The following GNB4 variants were observed in gnomAD, a reference collection of about 807,000 sequenced individuals.
GNB4 encodes the protein G protein subunit beta 4.
Under a neutral mutation model 45.2 loss-of-function variants are expected in GNB4, and 28 were observed. That is an observed-to-expected ratio of 0.62 (90% CI 0.46 to 0.85). The LOEUF is 0.85. Ranked by LOEUF, GNB4 falls within the 40% of genes least tolerant of loss-of-function variation. GNB4 has a pLI of 0.00. For synonymous variants in GNB4, 132 were observed against 143.7 expected (o/e 0.92, Z 0.58); for missense variants, 321 against 425.4 (o/e 0.75, Z 2.16).
chr3:179,500,777 TCTC>T, the GNB4 span, among the ~76,000 whole-genome samples: 1 of 152,170 alleles, frequency 6.6e-6, no homozygotes, highest in Admixed American at 6.5e-5. Context: ...GGTTTGTAGT[TCTC>T]CTTGAAGAGG....
the GNB4 span, among the ~76,000 whole-genome samples, chr3:179,516,898 G>C: frequency 6.6e-6 from 1 of 152,138 alleles, no homozygotes; most frequent in Admixed American, 6.5e-5. Flanking sequence ...TGAGTGATGG[G>C]ATCTGATGCC....
chr3:179,506,139 T>A, the GNB4 span, among the ~76,000 whole-genome samples: 164 of 152,270 alleles, frequency 1.1e-3, no homozygotes, highest in African/African-American at 3.7e-3. Flanking sequence ...GCTTAGGCAT[T>A]TGAAACCAGC....
the GNB4 span, among the ~76,000 whole-genome samples, chr3:179,468,074 T>G: frequency 8.2e-6 from 1 of 122,480 alleles, no homozygotes; most frequent in East Asian, 2.4e-4. Flanking sequence ...GGCACATGCC[T>G]GCAGTCCCAG....
chr3:179,475,399 G>T, the GNB4 span, among the ~76,000 whole-genome samples: 86 of 149,010 alleles, frequency 5.8e-4, no homozygotes, highest in African/African-American at 2.1e-3. Flanking sequence ...GATTACAGGC[G>T]TGAGCCACCA....
chr3:179,416,183 C>G (rs1472531716), intron 5 of GNB4, among the ~76,000 whole-genome samples: 2 of 152,112 alleles, frequency 1.3e-5, no homozygotes, highest in Non-Finnish European at 2.9e-5. Context: ...AAATAAAAAT[C>G]TCAAGGTCTT....
chr3:179,416,345 C>T (rs547220527), intron 5 of GNB4, 148 bp downstream of exon 5: 87 of 572,124 alleles, frequency 1.5e-4, no homozygotes, highest in African/African-American at 1.5e-3. Context: ...AAAGTAAACA[C>T]TAAGACAAAA....
chr3:179,520,006 C>T, the GNB4 span, among the ~76,000 whole-genome samples: 1 of 152,210 alleles, frequency 6.6e-6, no homozygotes, highest in Non-Finnish European at 1.5e-5. Context: ...TGCGCCTTAT[C>T]AACCAAATTG....
At chr3:179,461,115 C>T in the GNB4 span, among the ~76,000 whole-genome samples, 3 of 152,198 alleles carry the variant, frequency 2.0e-5, no homozygotes, top group Non-Finnish European at 4.4e-5. Context: ...TTATCTTCCT[C>T]GTCCATCTCC....
the GNB4 span, among the ~76,000 whole-genome samples, chr3:179,523,157 C>T: frequency 2.1e-3 from 317 of 152,100 alleles, 4 homozygotes; most frequent in African/African-American, 7.4e-3. Flanking sequence ...GGGGTTGGGG[C>T]TTGGGAGATT....
chr3:179,404,784 C>T (rs1040977311), intron 9 of GNB4, among the ~76,000 whole-genome samples: 3 of 152,094 alleles, frequency 2.0e-5, no homozygotes, highest in African/African-American at 7.2e-5. Context: ...CAGAGGAGGA[C>T]TCAGGGTATG....
the GNB4 span, among the ~76,000 whole-genome samples, chr3:179,491,938 C>T: frequency 1.3e-5 from 2 of 152,118 alleles, no homozygotes; most frequent in Non-Finnish European, 2.9e-5. Flanking sequence ...TACCTGTCTG[C>T]CCCATGGAAA....
At chr3:179,486,144 G>A in the GNB4 span, among the ~76,000 whole-genome samples, 39 of 149,670 alleles carry the variant, frequency 2.6e-4, no homozygotes, top group Non-Finnish European at 4.7e-4. Context: ...ACTGCTTGAC[G>A]TGGGAGGCAG....
chr3:179,402,956 G>C (rs1008485221), intron 9 of GNB4, among the ~76,000 whole-genome samples: 1 of 152,210 alleles, frequency 6.6e-6, no homozygotes, highest in Non-Finnish European at 1.5e-5. Flanking sequence ...GAAGAAAACA[G>C]GCACAGATGC....
the GNB4 span, among the ~76,000 whole-genome samples, chr3:179,478,109 A>G: frequency 1.3e-5 from 2 of 152,200 alleles, no homozygotes; most frequent in Admixed American, 1.3e-4. Context: ...ACAGAAGGGC[A>G]AGCGAAGATG....
chr3:179,520,870 C>T, the GNB4 span, among the ~76,000 whole-genome samples: 1 of 152,156 alleles, frequency 6.6e-6, no homozygotes. Context: ...GCCTAATCAC[C>T]ACACACCAGC....
chr3:179,417,266 G>A (rs1714827321), intron 4 of GNB4, among the ~76,000 whole-genome samples: 2 of 152,140 alleles, frequency 1.3e-5, no homozygotes, highest in African/African-American at 4.8e-5. Flanking sequence ...AGGAATTGTG[G>A]GTCTTCCAGT....
the GNB4 span, among the ~76,000 whole-genome samples, chr3:179,472,226 A>G: frequency 6.6e-6 from 1 of 152,206 alleles, no homozygotes; most frequent in East Asian, 1.9e-4. Context: ...AATATACCAA[A>G]ATATCAACAT....
At chr3:179,488,524 C>T in the GNB4 span, among the ~76,000 whole-genome samples, 1 of 152,152 alleles carries the variant, frequency 6.6e-6, no homozygotes, top group African/African-American at 2.4e-5. Flanking sequence ...AGGTTGTGAT[C>T]CCCTTCTTAA....
chr3:179,413,381 T>C (rs569616038), intron 8 of GNB4, 31 bp downstream of exon 8: 2 of 1,570,392 alleles, frequency 1.3e-6, no homozygotes, highest in South Asian at 1.1e-5. Flanking sequence ...AAATGCATAA[T>C]AAATTTTCTC....
Sources: gnomAD v4.1 joint callset for allele counts (sites outside exome capture counted in the v4.1 genomes callset) on GRCh38, gnomAD v4.1.1 for gene constraint, MANE v1.5 for transcripts, NCBI Gene and HGNC (gene_info 2026-07-23, HGNC 2026-07-21) for gene names.